DZIP1: variants seen among roughly 807,000 people sequenced by gnomAD.
DZIP1 encodes the protein cilium assembly protein DZIP1.
A neutral mutation model predicts 107.6 loss-of-function variants in DZIP1; 97 were observed. That is an observed-to-expected ratio of 0.90 (90% CI 0.77 to 1.07). DZIP1 has a LOEUF of 1.07. Among genes scored for constraint, DZIP1 ranks in the 50% least tolerant of loss-of-function variants. The pLI, the probability that DZIP1 is intolerant of heterozygous loss-of-function variation, is 0.00. For missense variants in DZIP1, 1,035 were observed against 1,063.6 expected, an observed-to-expected ratio of 0.97 and a Z score of 0.37; for synonymous variants, 390 against 386.4, an observed-to-expected ratio of 1.01 and a Z score of -0.11.
In DZIP1 at chr13:95,579,550, G is replaced by A. The variant is rs543812886; in HGVS notation, c.*2684C>T. 2.0e-5 allele frequency: 3 copies of A among 152,286 alleles called. No homozygotes were observed. Among genetic ancestry groups the A allele is most frequent in the Admixed American group, 6.5e-5 (1 of 15,308 alleles). 9.4% of individuals were successfully genotyped at this position (152,286 alleles called of 1,614,324 possible). ...CCAAGGCAGTCTAGGGTAAAATATA[G>A]TTTCAAAGTATGAATAAGAATTGGT... is the stretch of plus-strand genomic sequence containing the variant. On this transcript the variant is annotated 3_prime_UTR_variant, in exon 23 of 23. Transcript: ENST00000376829.
At chr13:95,627,356 T>G (rs1379601665) in intron 7 of DZIP1, among the ~76,000 whole-genome samples, 1 of 152,088 alleles carries the variant, frequency 6.6e-6, no homozygotes, top group Non-Finnish European at 1.5e-5. Context: ...ATGCAAAAAT[T>G]AACTCAAAAT....
At chr13:95,593,871 T>A in intron 16 of DZIP1, 73 bp downstream of exon 16, 1 of 1,525,514 alleles carries the variant, frequency 6.6e-7, no homozygotes, top group African/African-American at 1.4e-5. Flanking sequence ...TTTCTTCTCT[T>A]CCATGATCAT....
intron 22 of DZIP1, among the ~76,000 whole-genome samples, chr13:95,584,286 A>T (rs1048636349): frequency 8.4e-5 from 6 of 71,806 alleles, no homozygotes; most frequent in African/African-American, 2.6e-4. Context: ...AAAAAAAAAA[A>T]AAAATAAAAG....
intron 6 of DZIP1, 134 bp downstream of exon 6, chr13:95,633,100 T>C: frequency 3.7e-6 from 3 of 809,978 alleles, no homozygotes; most frequent in East Asian, 2.7e-5. Flanking sequence ...GAGGGCTCCA[T>C]ATTTACTTAC....
intron 9 of DZIP1, 106 bp from the exon 10 acceptor site, chr13:95,620,053 T>G (rs7319355): frequency 8.1e-7 from 1 of 1,241,230 alleles, no homozygotes; most frequent in African/African-American, 1.5e-5. Context: ...ACTATCTATC[T>G]GGTAAAATTT....
At chr13:95,642,510 GA>G (rs957810301) in intron 3 of DZIP1, among the ~76,000 whole-genome samples, 51 of 150,512 alleles carry the variant, frequency 3.4e-4, no homozygotes, top group African/African-American at 1.1e-3. Context: ...AATAGAAAAA[GA>G]AAAAAAAAGT....
At chr13:95,629,967 A>G in intron 7 of DZIP1, 22 bp downstream of exon 7, 1 of 1,576,536 alleles carries the variant, frequency 6.3e-7, no homozygotes, top group Non-Finnish European at 8.6e-7. Flanking sequence ...TAATTAAAAT[A>G]CCACAGAATT....
chr13:95,613,386 G>T (rs1335105378), intron 10 of DZIP1, among the ~76,000 whole-genome samples: 1 of 152,038 alleles, frequency 6.6e-6, no homozygotes, highest in Non-Finnish European at 1.5e-5. Flanking sequence ...GGTGGCGGGC[G>T]CCTGTAATCC....
In DZIP1 at chr13:95,580,039, A is replaced by C. The variant is rs2043991968; in HGVS notation, c.*2195T>G. On this transcript the variant is annotated 3_prime_UTR_variant, in exon 23 of 23. Transcript: ENST00000376829. ...AAAACGAACAAACCAAATTTTATACAAAAAAATGAAATGCAGCAGGGCGCG... is the reference window on the plus strand; with the variant it reads ...AAAACGAACAAACCAAATTTTATACCAAAAAATGAAATGCAGCAGGGCGCG... 1 of 152,202 alleles carries C rather than the reference A, an allele frequency of 6.6e-6. No individual in the cohort carries two copies. Among genetic ancestry groups the C allele is most frequent in the Admixed American group, 6.5e-5 (1 of 15,270 alleles). 9.4% of individuals were successfully genotyped at this position (152,202 alleles called of 1,614,324 possible).
intron 21 of DZIP1, among the ~76,000 whole-genome samples, chr13:95,585,603 T>C (rs1016550979): frequency 5.9e-5 from 9 of 152,158 alleles, no homozygotes; most frequent in African/African-American, 2.2e-4. Flanking sequence ...CAGAGGAGCT[T>C]GGCCTCCACC....
rs1444754792 is a variant in DZIP1 at position 95,610,997 on chromosome 13, G to A, written c.1363+448C>T. ...TACCAGTCTGTGGTATGCTATTATA[G>A]CAGAGAAAATAGACTGAAACACTAT... On this transcript the variant is annotated intron_variant, in intron 12 of 22. Coordinates refer to ENST00000376829, the MANE Select transcript of DZIP1 (RefSeq NM_198968.4). Among the ~76,000 whole-genome samples, 4 of 152,296 alleles carry A rather than the reference G, an allele frequency of 2.6e-5. No individual in the cohort carries two copies. The East Asian group carries it at 7.7e-4, about 29-fold the overall frequency.
chr13:95,611,213 T>TA (rs1393410331), intron 12 of DZIP1, among the ~76,000 whole-genome samples: 1 of 152,192 alleles, frequency 6.6e-6, no homozygotes, highest in Non-Finnish European at 1.5e-5. Context: ...GTACTCTGAT[T>TA]AAAAAAATGA....
rs145531286 is a variant in DZIP1 at position 95,625,249 on chromosome 13, C to T, written c.811-320G>A. 4.4e-3 allele frequency among the ~76,000 whole-genome samples: 669 copies of T among 152,202 alleles called. 8 individuals carry two copies. Among genetic ancestry groups the T allele is most frequent in the African/African-American group, 0.015 (643 of 41,536 alleles). On this transcript the variant is annotated intron_variant, in intron 7 of 22. Transcript: ENST00000376829. ...AAATGTAAATATACTTTAAAGAAAA[C>T]ATATATTGAGCAATAAAAGAACATT...
rs370736721 is a variant in DZIP1 at position 95,624,815 on chromosome 13, T to A, written c.925A>T (p.Met309Leu). Reference sequence around the variant, plus strand: ...GAAGTTAATTCTTTAAATTCCTTCATAAACATCTCCTTGACTTTTTCCATT... The same window carrying A: ...GAAGTTAATTCTTTAAATTCCTTCAAAAACATCTCCTTGACTTTTTCCATT... ...DEMEKVKEMF[M>L]KEFKELTSKN... The change falls in exon 8 of 23, where the codon ATG (methionine) becomes TTG (leucine). Residue 309 changes from methionine (M) to leucine (L), a missense_variant. Physicochemically the swap from Met to Leu is conservative, Grantham distance 15. Coordinates refer to ENST00000376829, the MANE Select transcript of DZIP1 (RefSeq NM_198968.4). 18 of 1,610,018 alleles carry A rather than the reference T, an allele frequency of 1.1e-5. No homozygotes were observed. Among genetic ancestry groups the A allele is most frequent in the Non-Finnish European group, 1.5e-5 (18 of 1,177,294 alleles).
chr13:95,614,913 C>T (rs896680535), intron 10 of DZIP1, among the ~76,000 whole-genome samples: 1 of 152,078 alleles, frequency 6.6e-6, no homozygotes, highest in African/African-American at 2.4e-5. Context: ...CAGAGAAATA[C>T]AATATGTGCA....
rs188711571 is a variant in DZIP1 at position 95,602,580 on chromosome 13, G to A, written c.1478-3156C>T. Among the ~76,000 whole-genome samples, 19 of 152,302 alleles carry A rather than the reference G, an allele frequency of 1.2e-4. No individual in the cohort carries two copies. In the East Asian group the frequency reaches 2.3e-3, roughly 19 times the overall value. On this transcript the variant is annotated intron_variant, in intron 14 of 22. Transcript: ENST00000376829. ...GTGAAGGAAGGAAGGCAAGAGTGGC[G>A]GAACACCGCTGGAGAAACAGATAAC...
intron 20 of DZIP1, among the ~76,000 whole-genome samples, chr13:95,586,347 T>C (rs1011848011): frequency 1.3e-5 from 2 of 152,138 alleles, no homozygotes; most frequent in African/African-American, 4.8e-5. Flanking sequence ...ATGAGCTATA[T>C]AACATTTTCA....
At chr13:95,613,297 G>A (rs1323096426) in intron 10 of DZIP1, among the ~76,000 whole-genome samples, 1 of 152,112 alleles carries the variant, frequency 6.6e-6, no homozygotes, top group East Asian at 1.9e-4. Flanking sequence ...CAGATCACTT[G>A]AGGTCAGGAG....
Position 95,623,735 on chromosome 13 carries a change from G to A in DZIP1, c.972+1033C>T, listed in dbSNP as rs151083840. ...GTGGGAGGATCACTTGAGGCCAGGA[G>A]TTCGACACCATCCTGGCCAACATGG... On this transcript the variant is annotated intron_variant, in intron 8 of 22. Transcript: ENST00000376829. Among the ~76,000 whole-genome samples the A allele has an allele frequency of 4.4e-3, 670 of 152,284 alleles. 8 individuals are homozygous for A. Among genetic ancestry groups the A allele is most frequent in the African/African-American group, 0.015 (644 of 41,564 alleles).
Sources: allele counts gnomAD v4.1 joint callset (sites outside exome capture counted in the v4.1 genomes callset), GRCh38; gene constraint gnomAD v4.1.1; transcripts MANE v1.5; gene names NCBI Gene and HGNC (gene_info 2026-07-23, HGNC 2026-07-21).